Variants in PLPP1 observed in about 807,000 individuals in gnomAD.
PLPP1 encodes lipid phosphate phosphohydrolase 1a.
A neutral mutation model predicts 31.2 loss-of-function variants in PLPP1; 24 were observed. That is an observed-to-expected ratio of 0.77 (90% CI 0.56 to 1.08). The LOEUF is 1.08. PLPP1 is among the 50% of genes least tolerant of loss of function. The probability of loss-of-function intolerance (pLI) is 0.00; values close to 1 mark genes in which losing one functional copy is unlikely to be tolerated. For missense variants in PLPP1, 319 were observed against 342.7 expected, an observed-to-expected ratio of 0.93 and a Z score of 0.55; for synonymous variants, 146 against 126.3, an observed-to-expected ratio of 1.16 and a Z score of -1.05.
rs908116459 is a variant in PLPP1, at chr5:55,475,395, T to A, written c.114A>T (p.Val38=). The change falls in exon 2 of 6, where the codon GTA becomes GTT. Residue 38 remains valine, a synonymous_variant. Coordinates refer to ENST00000307259, the MANE Select transcript of PLPP1 (RefSeq NM_003711.4). ...TSRHTPFQRG[V]FCNDESIKYP... is the part of the protein sequence containing the mutation. ...ACTTGATGGACTCATCATTACAGAATACTCCTCGTTGGAAGGGGGTATGCC... is the reference window on the plus strand; with the variant it reads ...ACTTGATGGACTCATCATTACAGAAAACTCCTCGTTGGAAGGGGGTATGCC... 3.1e-6 allele frequency: 5 copies of A among 1,612,762 alleles called. No individual in the cohort carries two copies. The African/African-American group carries it at 4.0e-5, about 13-fold the overall frequency.
chr5:55,527,025 A>G (rs1740476245), intron 1 of PLPP1, among the ~76,000 whole-genome samples: 1 of 151,904 alleles, frequency 6.6e-6, no homozygotes, highest in Non-Finnish European at 1.5e-5. Context: ...TTTTATCTTC[A>G]GTGTCTAACA....
intron 1 of PLPP1, among the ~76,000 whole-genome samples, chr5:55,489,202 AAT>A (rs1307042734): frequency 6.6e-6 from 1 of 152,118 alleles, no homozygotes; most frequent in African/African-American, 2.4e-5. Context: ...CCATCTCAAA[AAT>A]ATATATGTGT....
chr5:55,511,670 T>G (rs1320059219), intron 1 of PLPP1, among the ~76,000 whole-genome samples: 12 of 118,574 alleles, frequency 1.0e-4, no homozygotes, highest in Admixed American at 2.7e-4. Context: ...TTTTTTTTTT[T>G]TTTTTTTTTT....
At chr5:55,465,127 T>C (rs1752259882) in intron 3 of PLPP1, among the ~76,000 whole-genome samples, 2 of 151,226 alleles carry the variant, frequency 1.3e-5, no homozygotes, top group Non-Finnish European at 2.9e-5. Context: ...CACTGCAACC[T>C]CTGCCTCCGG....
intron 1 of PLPP1, among the ~76,000 whole-genome samples, chr5:55,500,019 T>C (rs1405324165): frequency 6.6e-6 from 1 of 150,876 alleles, no homozygotes; most frequent in Non-Finnish European, 1.5e-5. Context: ...GTATACAGCA[T>C]AAAACCAAGC....
intron 1 of PLPP1, among the ~76,000 whole-genome samples, chr5:55,511,232 A>C (rs1753399176): frequency 6.6e-6 from 1 of 152,204 alleles, no homozygotes; most frequent in Non-Finnish European, 1.5e-5. Context: ...AAGCAGGCTG[A>C]AAAGGACAGA....
chr5:55,447,274 C>T lies in PLPP1; in HGVS notation c.492-5366G>A, dbSNP rs543422501. Among the ~76,000 whole-genome samples the T allele has an allele frequency of 3.3e-5, 5 of 152,048 alleles. No individual in the cohort carries two copies. The South Asian group carries it at 6.2e-4, about 19-fold the overall frequency. ...ACAGACAAAATAGTTTCAGCAACAG[C>T]GGTTTGTTTTTAATTATACAGTGAC... On this transcript the variant is annotated intron_variant, in intron 3 of 5. Transcript: ENST00000307259.
intron 3 of PLPP1, among the ~76,000 whole-genome samples, chr5:55,458,950 T>C (rs545702455): frequency 1.4e-3 from 193 of 141,822 alleles, no homozygotes; most frequent in African/African-American, 4.9e-3. Flanking sequence ...TCCAGCCATA[T>C]TGGTAATTAC....
At chr5:55,498,093 G>A (rs1561247474) in intron 1 of PLPP1, among the ~76,000 whole-genome samples, 1 of 152,098 alleles carries the variant, frequency 6.6e-6, no homozygotes, top group African/African-American at 2.4e-5. Flanking sequence ...CTAAAAGTGA[G>A]TAATTCAAGA....
intron 1 of PLPP1, chr5:55,491,118 T>C (rs1405614727): frequency 1.2e-6 from 2 of 1,609,728 alleles, no homozygotes; most frequent in South Asian, 1.1e-5. Flanking sequence ...ATGGAAGCTG[T>C]TGGGGAAGGG....
intron 4 of PLPP1, 57 bp downstream of exon 4, chr5:55,441,789 TGCTGA>T: frequency 6.6e-7 from 1 of 1,523,368 alleles, no homozygotes; most frequent in Non-Finnish European, 9.1e-7. Flanking sequence ...AGGACACTGA[TGCTGA>T]GCACATTAAT....
chr5:55,442,379 C>T lies in PLPP1; in HGVS notation c.492-471G>A, dbSNP rs148650954. Among the ~76,000 whole-genome samples the T allele has an allele frequency of 2.3e-3, 354 of 152,220 alleles. 3 individuals are homozygous for T. Among genetic ancestry groups the T allele is most frequent in the Non-Finnish European group, 2.2e-3 (147 of 68,002 alleles). On this transcript the variant is annotated intron_variant, in intron 3 of 5. Transcript: ENST00000307259. ...TTAATATTTTAGTATTTTGGCCCAG[C>T]GCAGTGGCTCAGTCCTGTAATCCCA... is the stretch of plus-strand genomic sequence containing the variant.
chr5:55,477,463 G>A (rs1000975346), intron 1 of PLPP1, among the ~76,000 whole-genome samples: 22 of 139,558 alleles, frequency 1.6e-4, no homozygotes, highest in African/African-American at 4.0e-4. Context: ...ACACAGTCTC[G>A]GCTCACTGCA....
At chr5:55,472,139 T>A (rs1407427774) in intron 2 of PLPP1, among the ~76,000 whole-genome samples, 1 of 152,068 alleles carries the variant, frequency 6.6e-6, no homozygotes, top group Admixed American at 6.6e-5. Flanking sequence ...AATCAAAACA[T>A]ACATACATAA....
At chr5:55,531,769 A>G (rs777413052) in intron 1 of PLPP1, among the ~76,000 whole-genome samples, 1 of 152,204 alleles carries the variant, frequency 6.6e-6, no homozygotes. Context: ...GTGTCTTCCA[A>G]AAGTAAGCGT....
intron 1 of PLPP1, among the ~76,000 whole-genome samples, chr5:55,489,684 G>C (rs1752847143): frequency 1.3e-5 from 2 of 152,020 alleles, no homozygotes; most frequent in South Asian, 4.2e-4. Flanking sequence ...TACATAAGCT[G>C]AAAAAACAAA....
At chr5:55,436,559 G>A (rs183734910) in intron 4 of PLPP1, among the ~76,000 whole-genome samples, 8 of 152,192 alleles carry the variant, frequency 5.3e-5, no homozygotes, top group South Asian at 4.1e-4. Flanking sequence ...TGTCTTTATC[G>A]GCAGCATGAA....
At chr5:55,485,587 A>G (rs1209734005) in intron 1 of PLPP1, among the ~76,000 whole-genome samples, 1 of 42,016 alleles carries the variant, frequency 2.4e-5, no homozygotes, top group African/African-American at 5.6e-5. Flanking sequence ...AACTTCAGGT[A>G]TATGAAAAAT....
chr5:55,470,520 G>A (rs554979450), intron 2 of PLPP1, among the ~76,000 whole-genome samples: 3 of 152,346 alleles, frequency 2.0e-5, no homozygotes, highest in African/African-American at 7.2e-5. Flanking sequence ...CTGATCTTCA[G>A]AAGTAGTGTA....
Sources: allele counts gnomAD v4.1 joint callset (sites outside exome capture counted in the v4.1 genomes callset), GRCh38; gene constraint gnomAD v4.1.1; transcripts MANE v1.5; gene names NCBI Gene and HGNC (gene_info 2026-07-23, HGNC 2026-07-21).